Variants in YTHDC2 observed in about 807,000 individuals in gnomAD.
YTHDC2 encodes 3'-5' RNA helicase YTHDC2.
Under a neutral mutation model 174.9 loss-of-function variants are expected in YTHDC2, and 45 were observed. The ratio of observed to expected loss-of-function variants is 0.26; its 90% CI spans 0.20 to 0.33. The LOEUF is 0.33. Among genes scored for constraint, YTHDC2 ranks in the 10% least tolerant of loss-of-function variants. The pLI is 1.00. For missense variants in YTHDC2, 1,650 were observed against 1,723.7 expected (o/e 0.96, Z 0.76); for synonymous variants, 657 against 574.5 (o/e 1.14, Z -2.05).
chr5:113,567,666 A>G lies in YTHDC2; in HGVS notation c.3061A>G (p.Asn1021Asp), dbSNP rs376412303. The change falls in exon 23 of 30, where the codon AAT becomes GAT. Residue 1021 changes from asparagine to aspartate, a missense_variant. By Grantham distance (23) the Asn-to-Asp change is conservative. Coordinates refer to ENST00000161863, the MANE Select transcript of YTHDC2 (RefSeq NM_022828.5). ...QPQYKKIPPANGQAAAIKALP... is the reference protein window; with the variant it reads ...QPQYKKIPPADGQAAAIKALP... ...ATTTTCTTAATAGATTCCTCCAGCC[A>G]ATGGTCAAGCTGCAGCAATTAAGGC... 2.4e-4 allele frequency: 388 copies of G among 1,597,158 alleles called. 3 individuals carry two copies. The South Asian group carries it at 2.7e-3, about 11-fold the overall frequency.
intron 4 of YTHDC2, among the ~76,000 whole-genome samples, chr5:113,529,776 T>G (rs909991790): frequency 3.3e-5 from 5 of 152,180 alleles, no homozygotes; most frequent in Non-Finnish European, 7.4e-5. Flanking sequence ...AAAAATAATT[T>G]CTCCCAATTT....
intron 7 of YTHDC2, among the ~76,000 whole-genome samples, chr5:113,536,830 A>C (rs1580517118): frequency 6.6e-6 from 1 of 151,362 alleles, no homozygotes; most frequent in East Asian, 1.9e-4. Context: ...AAATATATAC[A>C]CATTTATAAC....
At chr5:113,529,448 G>C (rs1285614552) in intron 4 of YTHDC2, among the ~76,000 whole-genome samples, 1 of 152,148 alleles carries the variant, frequency 6.6e-6, no homozygotes, top group African/African-American at 2.4e-5. Context: ...TTGATAGCTA[G>C]ATTCACTGGT....
At position 113,549,769 on chromosome 5, in the gene YTHDC2, C is replaced by A. The variant is rs1424148533; in HGVS notation, c.1688+749C>A. ...AGAAGCCCTACCACCCTCTGATACA[C>A]TATGTAATATACTTGTTCACTGTTC... On this transcript the variant is annotated intron_variant, in intron 12 of 29. Transcript: ENST00000161863. Among the ~76,000 whole-genome samples the A allele has an allele frequency of 2.0e-5, 3 of 151,926 alleles. No individual in the cohort carries two copies. The East Asian group carries it at 5.8e-4, about 29-fold the overall frequency.
chr5:113,567,375 ATACC>A (rs941138568), intron 22 of YTHDC2, 78 bp downstream of exon 22: 3 of 996,040 alleles, frequency 3.0e-6, no homozygotes, highest in Non-Finnish European at 4.1e-6. Flanking sequence ...AATGCTCCAA[ATACC>A]TGCCTGCTTT....
intron 12 of YTHDC2, among the ~76,000 whole-genome samples, chr5:113,550,607 C>G (rs886747955): frequency 6.6e-5 from 10 of 151,962 alleles, no homozygotes; most frequent in African/African-American, 2.4e-4. Flanking sequence ...ATAATGACTA[C>G]GTTGTTAAAA....
intron 23 of YTHDC2, among the ~76,000 whole-genome samples, chr5:113,569,652 G>T (rs967708274): frequency 6.6e-6 from 1 of 152,152 alleles, no homozygotes; most frequent in Non-Finnish European, 1.5e-5. Flanking sequence ...TCAGACGGTT[G>T]TAAGTGTGTG....
At chr5:113,516,012 G>A (rs1773399139) in intron 2 of YTHDC2, among the ~76,000 whole-genome samples, 1 of 152,092 alleles carries the variant, frequency 6.6e-6, no homozygotes, top group East Asian at 1.9e-4. Context: ...GCTTCTTCTC[G>A]ATTGCCTTCA....
At chr5:113,553,550 C>T in intron 13 of YTHDC2, 40 bp from the exon 14 acceptor site, 1 of 1,591,812 alleles carries the variant, frequency 6.3e-7, no homozygotes. Flanking sequence ...GCCTCTGATT[C>T]ACAATGAGAT....
At chr5:113,548,060 G>A (rs1776009225) in intron 10 of YTHDC2, among the ~76,000 whole-genome samples, 1 of 152,068 alleles carries the variant, frequency 6.6e-6, no homozygotes, top group African/African-American at 2.4e-5. Flanking sequence ...GCCTTGAATG[G>A]GGGATTAAAA....
chr5:113,515,568 T>C (rs908210440), intron 2 of YTHDC2, among the ~76,000 whole-genome samples: 1 of 152,190 alleles, frequency 6.6e-6, no homozygotes, highest in Non-Finnish European at 1.5e-5. Context: ...TTTTGTTTTG[T>C]TTTGTTTTTC....
chr5:113,515,227 A>T (rs746145716), intron 1 of YTHDC2, 45 bp from the exon 2 acceptor site: 1 of 1,468,930 alleles, frequency 6.8e-7, no homozygotes, highest in Non-Finnish European at 9.4e-7. Flanking sequence ...TTGAGAGAAA[A>T]TTGCCTATCT....
chr5:113,589,404 A>ATATATATATATAT, intron 26 of YTHDC2, among the ~76,000 whole-genome samples: 1 of 114,498 alleles, frequency 8.7e-6, no homozygotes, highest in African/African-American at 4.0e-5. Context: ...TTAAAAAAAA[A>ATATATATATATAT]AAAAATATAT....
chr5:113,557,763 C>G (rs1776710613), intron 17 of YTHDC2, among the ~76,000 whole-genome samples: 1 of 152,090 alleles, frequency 6.6e-6, no homozygotes, highest in Admixed American at 6.5e-5. Flanking sequence ...TCATACCACT[C>G]TACTCCAGCC....
intron 18 of YTHDC2, among the ~76,000 whole-genome samples, chr5:113,561,730 G>C (rs1212707178): frequency 6.6e-6 from 1 of 151,868 alleles, no homozygotes; most frequent in African/African-American, 2.4e-5. Flanking sequence ...GCCTCCCAAA[G>C]TGCTGGGATT....
intron 7 of YTHDC2, among the ~76,000 whole-genome samples, chr5:113,537,762 A>C (rs1397011859): frequency 3.3e-5 from 5 of 151,994 alleles, no homozygotes; most frequent in Admixed American, 2.0e-4. Flanking sequence ...AGATATTTCT[A>C]GTATGCCCCA....
chr5:113,567,739 G>A lies in YTHDC2; in HGVS notation c.3134G>A (p.Arg1045Lys). 3 of 1,611,944 alleles carry A rather than the reference G, an allele frequency of 1.9e-6. No homozygotes were observed. The South Asian group carries it at 3.3e-5, about 18-fold the overall frequency. Residue 1045 changes from arginine to lysine, a missense_variant, in exon 23 of 30, where the codon AGA (arginine) becomes AAA (lysine). Physicochemically the swap from Arg to Lys is conservative, Grantham distance 26. Coordinates refer to ENST00000161863, the MANE Select transcript of YTHDC2 (RefSeq NM_022828.5). Reference protein sequence around the residue: ...LIYDEMTRAHRIANIRCCSAV... With the variant: ...LIYDEMTRAHKIANIRCCSAV... ...TATGATGAAATGACCAGAGCCCATAGAATAGCTAATATTAGATGTTGTTCA... is the reference window on the plus strand; with the variant it reads ...TATGATGAAATGACCAGAGCCCATAAAATAGCTAATATTAGATGTTGTTCA...
At chr5:113,545,549 T>A (rs1410154547) in intron 10 of YTHDC2, among the ~76,000 whole-genome samples, 1 of 152,044 alleles carries the variant, frequency 6.6e-6, no homozygotes, top group East Asian at 1.9e-4. Context: ...CCAGACTGAA[T>A]ACTTCATCTC....
chr5:113,572,405 T>G (rs1319067671), intron 23 of YTHDC2, among the ~76,000 whole-genome samples: 1 of 152,248 alleles, frequency 6.6e-6, no homozygotes, highest in African/African-American at 2.4e-5. Context: ...AATTTTAGAA[T>G]AAATGCCATG....
Sources: allele counts gnomAD v4.1 joint callset (sites outside exome capture counted in the v4.1 genomes callset), GRCh38; gene constraint gnomAD v4.1.1; transcripts MANE v1.5; gene names NCBI Gene and HGNC (gene_info 2026-07-23, HGNC 2026-07-21).